The following CFAP20DC variants were observed in gnomAD, a reference collection of about 807,000 sequenced individuals.
CFAP20DC encodes the protein CFAP20 domain containing.
In CFAP20DC, 84 loss-of-function variants were observed where a neutral mutation model predicts 101.7. The observed-to-expected ratio is 0.83, with a 90% CI of 0.69 to 0.99. CFAP20DC has a LOEUF of 0.99. Among genes scored for constraint, CFAP20DC ranks in the 50% least tolerant of loss-of-function variants. The pLI, the probability that CFAP20DC is intolerant of heterozygous loss-of-function variation, is 0.00. For missense variants in CFAP20DC, 1,007 were observed against 970.3 expected (o/e 1.04, Z -0.50); for synonymous variants, 359 against 351.2 (o/e 1.02, Z -0.25).
At chr3:58,749,969 G>C (rs889677090) in intron 16 of CFAP20DC, among the ~76,000 whole-genome samples, 2 of 152,192 alleles carry the variant, frequency 1.3e-5, no homozygotes, top group African/African-American at 2.4e-5. Flanking sequence ...CAGCAAGTGT[G>C]TTATAGCCCA....
intron 3 of CFAP20DC, among the ~76,000 whole-genome samples, chr3:59,041,879 T>C (rs553377362): frequency 3.6e-4 from 55 of 152,218 alleles, no homozygotes; most frequent in Admixed American, 1.8e-3. Flanking sequence ...ATTATTTATA[T>C]GGATTAAATT....
chr3:58,819,126 G>A (rs887792729), intron 14 of CFAP20DC, among the ~76,000 whole-genome samples: 58 of 145,720 alleles, frequency 4.0e-4, no homozygotes, highest in Non-Finnish European at 7.0e-4. Flanking sequence ...AGAATCTCTG[G>A]GACGCATTCA....
chr3:58,734,955 T>C lies in CFAP20DC; in HGVS notation c.198-17327A>G, dbSNP rs1027214831. Among the ~76,000 whole-genome samples the C allele has an allele frequency of 6.6e-5, 10 of 152,212 alleles. 1 individual carries two copies. The highest frequency in any genetic ancestry group is 1.3e-4 in the Admixed American group (2 of 15,278). ...AATGGGAAATTGAAAGCCACAGGTC[T>C]ACACCTTTGCTCAGATTGAAATAGA... On this transcript the variant is annotated intron_variant, in intron 3 of 3. Transcript: ENST00000486145.
intron 4 of CFAP20DC, among the ~76,000 whole-genome samples, chr3:58,990,564 C>T (rs374582824): frequency 1.4e-3 from 206 of 152,200 alleles, no homozygotes; most frequent in African/African-American, 4.5e-3. Context: ...AGGTACTTAT[C>T]CTGACCATTT....
intron 4 of CFAP20DC, among the ~76,000 whole-genome samples, chr3:59,031,443 T>C (rs1253368917): frequency 6.6e-6 from 1 of 152,182 alleles, no homozygotes; most frequent in Non-Finnish European, 1.5e-5. Flanking sequence ...TTCCCTACAC[T>C]GAAAATAAAG....
At chr3:58,780,201 T>A (rs1172482612) in intron 15 of CFAP20DC, among the ~76,000 whole-genome samples, 1 of 152,110 alleles carries the variant, frequency 6.6e-6, no homozygotes. Flanking sequence ...AGACCAGCCC[T>A]ACAAGCAATG....
intron 13 of CFAP20DC, among the ~76,000 whole-genome samples, chr3:58,843,703 C>T (rs1452359443): frequency 6.7e-6 from 1 of 150,088 alleles, no homozygotes; most frequent in Non-Finnish European, 1.5e-5. Context: ...CTCCAAGACA[C>T]ATAATTGTCA....
intron 14 of CFAP20DC, among the ~76,000 whole-genome samples, chr3:58,826,069 G>C (rs2076017497): frequency 6.6e-6 from 1 of 152,190 alleles, no homozygotes; most frequent in Non-Finnish European, 1.5e-5. Flanking sequence ...ACTGCAATGT[G>C]TGTGAAGTCG....
chr3:58,854,169 C>G (rs540859537), intron 12 of CFAP20DC, among the ~76,000 whole-genome samples: 21 of 152,028 alleles, frequency 1.4e-4, no homozygotes, highest in Non-Finnish European at 1.9e-4. Flanking sequence ...ACAAAAATCA[C>G]AAGCATTCTG....
chr3:58,835,699 T>C (rs974255138), intron 13 of CFAP20DC, among the ~76,000 whole-genome samples: 2 of 152,326 alleles, frequency 1.3e-5, no homozygotes, highest in African/African-American at 4.8e-5. Flanking sequence ...ATAGAGCAAC[T>C]GGTGATGGAG....
At chr3:59,026,106 CA>C (rs1186203922) in intron 4 of CFAP20DC, among the ~76,000 whole-genome samples, 1 of 152,080 alleles carries the variant, frequency 6.6e-6, no homozygotes, top group Non-Finnish European at 1.5e-5. Flanking sequence ...GTGCTCTCTT[CA>C]CTAATGCGTG....
intron 5 of CFAP20DC, among the ~76,000 whole-genome samples, chr3:58,915,986 G>C (rs2084665899): frequency 6.6e-6 from 1 of 151,900 alleles, no homozygotes; most frequent in South Asian, 2.1e-4. Context: ...TCTCTCATTT[G>C]CTCTCATTTT....
At chr3:58,935,583 T>C (rs960204477) in intron 5 of CFAP20DC, among the ~76,000 whole-genome samples, 31 of 151,954 alleles carry the variant, frequency 2.0e-4, no homozygotes, top group Non-Finnish European at 4.1e-4. Context: ...GAGATATAGA[T>C]CAATGGAATA....
intron 5 of CFAP20DC, among the ~76,000 whole-genome samples, chr3:58,930,176 G>T (rs903591778): frequency 6.6e-6 from 1 of 152,194 alleles, no homozygotes; most frequent in Non-Finnish European, 1.5e-5. Flanking sequence ...TTACATACAT[G>T]TCTTAGCTCA....
intron 12 of CFAP20DC, among the ~76,000 whole-genome samples, chr3:58,855,270 C>A (rs534312061): frequency 6.6e-4 from 100 of 152,162 alleles, no homozygotes; most frequent in Non-Finnish European, 1.1e-3. Flanking sequence ...AGAAATGCAA[C>A]TCAGAACCAC....
intron 15 of CFAP20DC, among the ~76,000 whole-genome samples, chr3:58,763,927 G>T (rs568876204): frequency 7.4e-4 from 112 of 152,344 alleles, no homozygotes; most frequent in Admixed American, 1.0e-3. Context: ...ACCTGGCCAT[G>T]TGAGGTGTCA....
chr3:58,870,229 CTT>C lies in CFAP20DC; in HGVS notation c.794_795del (p.Lys265SerfsTer13). On this transcript the variant is annotated frameshift_variant, in exon 8 of 17. Transcript: ENST00000482387. LOFTEE classifies it high-confidence loss of function. ...QDVCHIAFGSKVLGPPPLSGR... is the reference protein window; with the variant it reads ...QDVCHIAFGSXVLGPPPLSGR... ...CCAGAGAGTGGAGGTGGCCCAAGAA[CTT>C]TGGATCCAAATGCGATATGACAAAC... 6.2e-7 allele frequency: 1 copy of C among 1,614,150 alleles called. No individual in the cohort carries two copies. The highest frequency in any genetic ancestry group is 8.5e-7 in the Non-Finnish European group (1 of 1,180,018).
chr3:58,806,739 C>T (rs967775666), intron 14 of CFAP20DC, among the ~76,000 whole-genome samples: 2 of 152,180 alleles, frequency 1.3e-5, no homozygotes, highest in African/African-American at 2.4e-5. Flanking sequence ...TGCAGCGCAC[C>T]GTGTGCGAGC....
chr3:59,026,207 T>C (rs897087595), intron 4 of CFAP20DC, among the ~76,000 whole-genome samples: 4 of 151,978 alleles, frequency 2.6e-5, no homozygotes, highest in African/African-American at 9.7e-5. Context: ...AAAGAAAAAA[T>C]AGAAATTGAA....
Sources: gnomAD v4.1 joint callset for allele counts (sites outside exome capture counted in the v4.1 genomes callset) on GRCh38, gnomAD v4.1.1 for gene constraint, MANE v1.5 for transcripts, NCBI Gene and HGNC (gene_info 2026-07-23, HGNC 2026-07-21) for gene names.